LRBA: variants seen among roughly 807,000 people sequenced by gnomAD.
The protein encoded by LRBA is LPS responsive beige-like anchor protein.
A neutral mutation model predicts 330.0 loss-of-function variants in LRBA; 176 were observed. The observed-to-expected ratio is 0.53, with a 90% confidence interval of 0.47 to 0.60. LRBA has a LOEUF of 0.60. Among genes scored for constraint, LRBA ranks in the 20% least tolerant of loss-of-function variants. LRBA has a pLI of 0.00. For synonymous variants in LRBA, 1,230 were observed against 1,193.0 expected (o/e 1.03, Z -0.64); for missense variants, 3,259 against 3,444.8 (o/e 0.95, Z 1.35).
intron 36 of LRBA, among the ~76,000 whole-genome samples, chr4:150,734,881 T>C (rs1449424247): frequency 6.6e-6 from 1 of 152,162 alleles, no homozygotes; most frequent in Non-Finnish European, 1.5e-5. Flanking sequence ...ACCTGGATGA[T>C]CTTACCTTTG....
intron 36 of LRBA, among the ~76,000 whole-genome samples, chr4:150,733,154 G>A (rs557638593): frequency 2.0e-5 from 3 of 151,594 alleles, no homozygotes; most frequent in Non-Finnish European, 4.4e-5. Flanking sequence ...ATACTGACTT[G>A]AGAAAAATGA....
Position 150,436,855 on chromosome 4 carries a change from C to T in LRBA, c.6790G>A (p.Ala2264Thr). Reference protein sequence around the residue: ...NFRDLSKPIGALNPKRAAFFA... With the variant: ...NFRDLSKPIGTLNPKRAAFFA... Reference sequence around the variant, plus strand: ...AATGCTGCTCTTTTTGGGTTCAGAGCTCCTATTGGCTGCCAATAGGGAGGG... The same window carrying T: ...AATGCTGCTCTTTTTGGGTTCAGAGTTCCTATTGGCTGCCAATAGGGAGGG... Residue 2264 changes from alanine to threonine, a missense_variant, in exon 45 of 57, where the codon GCT becomes ACT. Coordinates refer to ENST00000651943, the MANE Select transcript of LRBA (RefSeq NM_001364905.1). 6.2e-7 allele frequency: 1 copy of T among 1,613,436 alleles called. No individual in the cohort carries two copies. Among genetic ancestry groups the T allele is most frequent in the Non-Finnish European group, 8.5e-7 (1 of 1,179,750 alleles).
At chr4:150,916,143 T>G (rs1732558065) in intron 7 of LRBA, among the ~76,000 whole-genome samples, 1 of 152,192 alleles carries the variant, frequency 6.6e-6, no homozygotes, top group Non-Finnish European at 1.5e-5. Context: ...AAACACATAT[T>G]AAATTTGCAA....
chr4:150,868,094 AT>A (rs1321362566), intron 21 of LRBA, 87 bp downstream of exon 21: 1 of 1,336,688 alleles, frequency 7.5e-7, no homozygotes, highest in African/African-American at 1.5e-5. Context: ...ATTTCACAGT[AT>A]TTTTAAAGCA....
intron 34 of LRBA, among the ~76,000 whole-genome samples, chr4:150,792,763 A>C (rs1232930684): frequency 6.6e-6 from 1 of 152,044 alleles, no homozygotes; most frequent in Non-Finnish European, 1.5e-5. Flanking sequence ...CACCTGGGCT[A>C]AATTGTTTTT....
chr4:150,302,877 T>G, intron 52 of LRBA, 85 bp from the exon 53 acceptor site: 1 of 955,806 alleles, frequency 1.0e-6, no homozygotes, highest in Non-Finnish European at 1.5e-6. Flanking sequence ...ACAACGAAGC[T>G]ATATGAACTC....
At chr4:150,519,009 T>C (rs1340295898) in intron 40 of LRBA, among the ~76,000 whole-genome samples, 2 of 152,202 alleles carry the variant, frequency 1.3e-5, no homozygotes, top group African/African-American at 4.8e-5. Flanking sequence ...TTTATGTTGA[T>C]ACAAATATAG....
chr4:150,617,953 A>G (rs939487969), intron 37 of LRBA, among the ~76,000 whole-genome samples: 1 of 152,056 alleles, frequency 6.6e-6, no homozygotes, highest in Non-Finnish European at 1.5e-5. Flanking sequence ...CAAAAAATAC[A>G]AAAAGCTGAG....
chr4:150,689,022 C>T (rs542020002), intron 36 of LRBA, among the ~76,000 whole-genome samples: 10 of 152,194 alleles, frequency 6.6e-5, no homozygotes, highest in East Asian at 5.8e-4. Flanking sequence ...ATGTTTACTG[C>T]GGCACTATAC....
chr4:150,673,572 A>G (rs993674583), intron 37 of LRBA, among the ~76,000 whole-genome samples: 1 of 152,208 alleles, frequency 6.6e-6, no homozygotes, highest in African/African-American at 2.4e-5. Flanking sequence ...CTTACATTTC[A>G]GTACATTTGC....
intron 5 of LRBA, among the ~76,000 whole-genome samples, chr4:150,919,143 G>C (rs180820443): frequency 1.6e-3 from 236 of 152,254 alleles, no homozygotes; most frequent in African/African-American, 5.4e-3. Context: ...AGTGAAAAAA[G>C]CCAGTCACAA....
intron 36 of LRBA, among the ~76,000 whole-genome samples, chr4:150,720,032 T>C (rs1381224603): frequency 6.6e-6 from 1 of 152,140 alleles, no homozygotes; most frequent in Admixed American, 6.6e-5. Context: ...CTCTTCCTCT[T>C]CATGATAGGC....
intron 2 of LRBA, among the ~76,000 whole-genome samples, chr4:150,947,946 T>C (rs902510854): frequency 3.9e-5 from 6 of 151,978 alleles, no homozygotes; most frequent in Admixed American, 2.0e-4. Flanking sequence ...TAACAAAATA[T>C]ATACAGGACT....
At chr4:150,805,851 T>C (rs1374194828) in intron 33 of LRBA, among the ~76,000 whole-genome samples, 1 of 152,126 alleles carries the variant, frequency 6.6e-6, no homozygotes, top group Non-Finnish European at 1.5e-5. Context: ...ACGTAAGCAG[T>C]ATAGAGTAAA....
intron 2 of LRBA, among the ~76,000 whole-genome samples, chr4:150,967,694 T>C (rs947584050): frequency 2.0e-5 from 3 of 152,244 alleles, no homozygotes; most frequent in Non-Finnish European, 4.4e-5. Flanking sequence ...TGTTTCTGTG[T>C]CACATTTTGG....
chr4:150,388,946 A>G (rs748104001), intron 47 of LRBA, among the ~76,000 whole-genome samples: 8 of 152,210 alleles, frequency 5.3e-5, no homozygotes, highest in Non-Finnish European at 8.8e-5. Flanking sequence ...GCAGGTTTCC[A>G]TCACCACAGA....
At chr4:150,667,521 C>T (rs1375089726) in intron 37 of LRBA, among the ~76,000 whole-genome samples, 1 of 152,066 alleles carries the variant, frequency 6.6e-6, no homozygotes, top group Non-Finnish European at 1.5e-5. Flanking sequence ...GAATTTTCCC[C>T]CAAAAACCTG....
At chr4:150,494,655 GC>G (rs1759359446) in intron 40 of LRBA, among the ~76,000 whole-genome samples, 1 of 152,108 alleles carries the variant, frequency 6.6e-6, no homozygotes, top group Admixed American at 6.5e-5. Flanking sequence ...TTGAAACACT[GC>G]AAGTGTCATA....
At chr4:150,487,384 A>G (rs1276112068) in intron 42 of LRBA, among the ~76,000 whole-genome samples, 1 of 151,404 alleles carries the variant, frequency 6.6e-6, no homozygotes, top group African/African-American at 2.4e-5. Flanking sequence ...AAATCTTACA[A>G]TATACACTTT....
Sources: gnomAD v4.1 joint callset for allele counts (sites outside exome capture counted in the v4.1 genomes callset) on GRCh38, gnomAD v4.1.1 for gene constraint, MANE v1.5 for transcripts, NCBI Gene and HGNC (gene_info 2026-07-23, HGNC 2026-07-21) for gene names.